Variants in ASTN2 observed in about 807,000 individuals in gnomAD.
ASTN2 encodes the protein astrotactin-2.
Under a neutral mutation model 139.8 loss-of-function variants are expected in ASTN2, and 54 were observed. That is an observed-to-expected ratio of 0.39 (90% CI 0.31 to 0.48). ASTN2 has a LOEUF of 0.48. Among genes scored for constraint, ASTN2 ranks in the 20% least tolerant of loss-of-function variants. ASTN2 has a pLI of 0.95. For missense variants in ASTN2, 1,565 were observed against 1,725.1 expected (o/e 0.91, Z 1.64); for synonymous variants, 756 against 719.5 (o/e 1.05, Z -0.81).
In ASTN2 at chr9:116,526,680, G is replaced by A. The variant is rs146096315; in HGVS notation, c.3356-39180C>T. Among the ~76,000 whole-genome samples the A allele has an allele frequency of 3.7e-3, 559 of 150,750 alleles. 3 individuals carry two copies. The highest frequency in any genetic ancestry group is 6.6e-3 in the Non-Finnish European group (449 of 67,892). The stretch of plus-strand genomic sequence containing the variant: ...TAAATTTTAGTTTCAGAAATACTGC[G>A]AAAGTAAATTTTAGTTTCAGAAATA... On this transcript the variant is annotated intron_variant, in intron 19 of 22. Coordinates refer to ENST00000313400, the MANE Select transcript of ASTN2 (RefSeq NM_001365068.1).
chr9:116,908,469 A>G (rs148447556), intron 10 of ASTN2, among the ~76,000 whole-genome samples: 2,644 of 152,220 alleles, frequency 0.017, 38 homozygotes, highest in Middle Eastern at 0.044. Context: ...ATCATTTCCA[A>G]CCTCTTCCTC....
intron 1 of ASTN2, among the ~76,000 whole-genome samples, chr9:117,348,335 C>G (rs1350568107): frequency 6.6e-6 from 1 of 152,202 alleles, no homozygotes; most frequent in African/African-American, 2.4e-5. Flanking sequence ...TCTTTTAACT[C>G]TACCGATACT....
chr9:117,177,387 G>A (rs1387526896), intron 3 of ASTN2, among the ~76,000 whole-genome samples: 1 of 152,150 alleles, frequency 6.6e-6, no homozygotes, highest in African/African-American at 2.4e-5. Context: ...ACCTGGAACA[G>A]AATGCATTCT....
At chr9:117,105,468 C>T (rs1366139913) in intron 4 of ASTN2, among the ~76,000 whole-genome samples, 3 of 152,170 alleles carry the variant, frequency 2.0e-5, no homozygotes, top group African/African-American at 7.2e-5. Context: ...TACCCTCTGC[C>T]ATCTGTTACC....
intron 1 of ASTN2, among the ~76,000 whole-genome samples, chr9:117,307,634 C>T (rs1835035517): frequency 6.6e-6 from 1 of 152,206 alleles, no homozygotes; most frequent in Non-Finnish European, 1.5e-5. Flanking sequence ...CATATGTGTG[C>T]ACTGGTTCTT....
intron 16 of ASTN2, among the ~76,000 whole-genome samples, chr9:116,657,018 G>A (rs369322994): frequency 6.6e-5 from 10 of 152,288 alleles, no homozygotes; most frequent in Admixed American, 1.3e-4. Flanking sequence ...CATAAAGAAC[G>A]GCCTTTATTA....
intron 13 of ASTN2, among the ~76,000 whole-genome samples, chr9:116,767,168 A>C (rs1273123926): frequency 6.6e-6 from 1 of 152,018 alleles, no homozygotes; most frequent in African/African-American, 2.4e-5. Context: ...ACACACACAC[A>C]CACAGGTGTG....
rs187092926 is a variant in ASTN2 at position 117,167,924 on chromosome 9, G to A, written c.1016-26446C>T. Among the ~76,000 whole-genome samples the A allele has an allele frequency of 1.9e-3, 282 of 152,238 alleles. 2 individuals carry two copies. The highest frequency in any genetic ancestry group is 6.4e-3 in the African/African-American group (267 of 41,552). On this transcript the variant is annotated intron_variant, in intron 3 of 22. Coordinates refer to ENST00000313400, the MANE Select transcript of ASTN2 (RefSeq NM_001365068.1). ...AGAGCAATGTTTTATAGCCATGGAG[G>A]TGATAAGAACTGATCTAAATTTTAG...
intron 19 of ASTN2, among the ~76,000 whole-genome samples, chr9:116,543,016 TG>T (rs1306216580): frequency 2.0e-5 from 3 of 152,094 alleles, no homozygotes; most frequent in African/African-American, 4.8e-5. Context: ...TATAGTATCT[TG>T]TTGGACAGAA....
At chr9:116,985,188 C>A (rs1388592986) in intron 7 of ASTN2, among the ~76,000 whole-genome samples, 1 of 152,180 alleles carries the variant, frequency 6.6e-6, no homozygotes, top group African/African-American at 2.4e-5. Context: ...TCCCTTTCTT[C>A]CTTATACTGC....
chr9:116,564,447 C>T (rs1034218421), intron 19 of ASTN2, among the ~76,000 whole-genome samples: 1 of 152,188 alleles, frequency 6.6e-6, no homozygotes, highest in Non-Finnish European at 1.5e-5. Context: ...AGGTGCCTTG[C>T]TACCCCCATG....
chr9:116,874,371 A>G (rs916904288), intron 10 of ASTN2, among the ~76,000 whole-genome samples: 7 of 152,174 alleles, frequency 4.6e-5, no homozygotes, highest in African/African-American at 7.2e-5. Flanking sequence ...CTGCATGCCT[A>G]GAGTCCTCCT....
At chr9:117,002,902 C>A (rs1347350983) in intron 7 of ASTN2, among the ~76,000 whole-genome samples, 1 of 152,168 alleles carries the variant, frequency 6.6e-6, no homozygotes, top group Non-Finnish European at 1.5e-5. Flanking sequence ...GGTGGGAGGG[C>A]CCCTTCATCT....
chr9:116,481,241 A>G (rs899175382), intron 20 of ASTN2, among the ~76,000 whole-genome samples: 2 of 152,286 alleles, frequency 1.3e-5, no homozygotes, highest in East Asian at 3.9e-4. Flanking sequence ...TTAGCTGGAC[A>G]TGATGGCACA....
Position 116,982,642 on chromosome 9 carries a change from C to T in ASTN2, c.1592-5857G>A, listed in dbSNP as rs577437097. 1.7e-4 allele frequency among the ~76,000 whole-genome samples: 26 copies of T among 152,070 alleles called. No individual in the cohort carries two copies. In the East Asian group the frequency reaches 1.9e-3, roughly 11 times the overall value. On this transcript the variant is annotated intron_variant, in intron 7 of 22. Coordinates refer to ENST00000313400, the MANE Select transcript of ASTN2 (RefSeq NM_001365068.1). ...GTTCAGTGGTGCAATCATGGCTCAC[C>T]GCAGCCTTGAGCTTTTGGGCTCAAG... is the stretch of plus-strand genomic sequence containing the variant.
At chr9:117,188,194 C>CAG (rs1235976830) in intron 3 of ASTN2, among the ~76,000 whole-genome samples, 43 of 31,966 alleles carry the variant, frequency 1.3e-3, no homozygotes, top group South Asian at 7.8e-3. Flanking sequence ...GAGAGAGAGA[C>CAG]AGAGAGAGAG....
At chr9:117,153,205 G>A (rs751185441) in intron 3 of ASTN2, among the ~76,000 whole-genome samples, 1 of 151,992 alleles carries the variant, frequency 6.6e-6, no homozygotes, top group Non-Finnish European at 1.5e-5. Context: ...ACCACCAAGA[G>A]GAAGGCTTGT....
chr9:116,796,979 CTTAAT>C (rs371759008), intron 13 of ASTN2, among the ~76,000 whole-genome samples: 29 of 146,124 alleles, frequency 2.0e-4, no homozygotes, highest in African/African-American at 5.4e-4. Flanking sequence ...GTTCAGCTAA[CTTAAT>C]TTTTCTTTTT....
intron 19 of ASTN2, among the ~76,000 whole-genome samples, chr9:116,536,872 C>G (rs1030490336): frequency 6.6e-6 from 1 of 152,338 alleles, no homozygotes; most frequent in Non-Finnish European, 1.5e-5. Flanking sequence ...AACCACTACT[C>G]TCTTCAAAGC....
Sources: allele counts gnomAD v4.1 joint callset (sites outside exome capture counted in the v4.1 genomes callset), GRCh38; gene constraint gnomAD v4.1.1; transcripts MANE v1.5; gene names NCBI Gene and HGNC (gene_info 2026-07-23, HGNC 2026-07-21).